The following HERC1 variants were observed in gnomAD, a reference collection of about 807,000 sequenced individuals.
The protein encoded by HERC1 is probable E3 ubiquitin-protein ligase HERC1.
Under a neutral mutation model 554.3 loss-of-function variants are expected in HERC1, and 160 were observed. The ratio of observed to expected loss-of-function variants is 0.29; its 90% confidence interval spans 0.25 to 0.33. The LOEUF (loss-of-function observed/expected upper bound fraction) is 0.33, where lower values mean the gene tolerates loss of function less well. Among genes scored for constraint, HERC1 ranks in the 10% least tolerant of loss-of-function variants. The probability of loss-of-function intolerance (pLI) is 1.00; values close to 1 mark genes in which losing one functional copy is unlikely to be tolerated. For synonymous variants in HERC1, 2,175 were observed against 2,131.7 expected, an observed-to-expected ratio of 1.02 and a Z score of -0.56; for missense variants, 4,919 against 5,918.5, an observed-to-expected ratio of 0.83 and a Z score of 5.54.
At position 63,622,759 on chromosome 15, in the gene HERC1, AT is replaced by A. The variant is rs1327169074; in HGVS notation, c.13688+55del. ...CTGGTACATAGTAAGCACTCAATAA[AT>A]GTGAGCTATTATTATTATTTTAGAC... On this transcript the variant is annotated intron_variant, in intron 74 of 77. Coordinates refer to ENST00000443617, the MANE Select transcript of HERC1 (RefSeq NM_003922.4). 5 of 1,333,452 alleles carry A rather than the reference AT, an allele frequency of 3.7e-6. No homozygotes were observed. In the East Asian group the frequency reaches 1.2e-4, roughly 33 times the overall value. The allele number at this position is 1,333,452 out of a possible 1,614,324, so 82.6% of individuals were successfully genotyped here. A position where few individuals can be genotyped will look rare whatever the true frequency, so the allele number is the denominator to read the frequency against.
chr15:63,789,115 G>T, intron 1 of HERC1, among the ~76,000 whole-genome samples: 1 of 115,538 alleles, frequency 8.7e-6, no homozygotes, highest in African/African-American at 3.6e-5. Context: ...TTTTGAGACG[G>T]AGTCTCGCTC....
At chr15:63,609,406 C>T in intron 77 of HERC1, 140 bp from the exon 78 acceptor site, 1 of 759,052 alleles carries the variant, frequency 1.3e-6, no homozygotes, top group Non-Finnish European at 2.0e-6. Context: ...AGAGACTGGG[C>T]CAGATAGAAT....
At chr15:63,621,568 G>A (rs1028443551) in intron 74 of HERC1, among the ~76,000 whole-genome samples, 1 of 152,074 alleles carries the variant, frequency 6.6e-6, no homozygotes, top group Non-Finnish European at 1.5e-5. Context: ...AAGTTCTCCT[G>A]GATACTATCC....
chr15:63,624,366 T>G, intron 71 of HERC1, 39 bp from the exon 72 acceptor site: 1 of 1,517,786 alleles, frequency 6.6e-7, no homozygotes, highest in Non-Finnish European at 8.9e-7. Flanking sequence ...TGGTACAATC[T>G]AGGCTTAAAA....
chr15:63,776,238 A>G (rs936829849), intron 1 of HERC1, among the ~76,000 whole-genome samples: 13 of 152,084 alleles, frequency 8.5e-5, no homozygotes, highest in African/African-American at 3.1e-4. Context: ...ATGGCTATCT[A>G]ACAGTTTTGG....
At chr15:63,803,794 A>C (rs1436570900) in intron 1 of HERC1, among the ~76,000 whole-genome samples, 2 of 152,244 alleles carry the variant, frequency 1.3e-5, no homozygotes, top group African/African-American at 4.8e-5. Flanking sequence ...AAGGCAATGG[A>C]CTGAGAATAG....
chr15:63,660,923 A>G (rs1325995749), intron 46 of HERC1, 50 bp downstream of exon 46: 2 of 1,069,324 alleles, frequency 1.9e-6, no homozygotes, highest in East Asian at 2.3e-5. Context: ...TTAAGCAGAG[A>G]GGATATATAA....
intron 61 of HERC1, 39 bp from the exon 62 acceptor site, chr15:63,638,815 G>C (rs1475735572): frequency 2.0e-6 from 3 of 1,470,780 alleles, no homozygotes; most frequent in Non-Finnish European, 2.9e-6. Context: ...ATTCTGCTTA[G>C]GCAAGATGCA....
At chr15:63,739,786 C>T (rs923431022) in intron 12 of HERC1, among the ~76,000 whole-genome samples, 5 of 152,018 alleles carry the variant, frequency 3.3e-5, no homozygotes, top group Admixed American at 1.3e-4. Context: ...TACAGTGAGC[C>T]GAGATCGAGC....
In HERC1 at chr15:63,645,601, C is replaced by T; in HGVS notation, c.10960G>A (p.Gly3654Ser). Reference sequence around the variant, plus strand: ...CAGCACCAGCATCCCGAAATAGAGCCCCAGAGTTTCACACTGTCTTCTTTG... The same window carrying T: ...CAGCACCAGCATCCCGAAATAGAGCTCCAGAGTTTCACACTGTCTTCTTTG... ...CAKEDSVKLWGSISGCWCCLH... is the reference protein window; with the variant it reads ...CAKEDSVKLWSSISGCWCCLH... The change falls in exon 56 of 78, where the codon GGC becomes AGC. Residue 3654 changes from glycine (G) to serine (S), a missense_variant. Gly to Ser is a moderately conservative substitution (Grantham distance 56). This residue lies in a region of HERC1 where 1,963 missense variants were observed against 2,228.6 expected (regional missense o/e 0.88). Coordinates refer to ENST00000443617, the MANE Select transcript of HERC1 (RefSeq NM_003922.4). 1 of 1,612,772 alleles carries T rather than the reference C, an allele frequency of 6.2e-7. No homozygotes were observed. Among genetic ancestry groups the T allele is most frequent in the Non-Finnish European group, 8.5e-7 (1 of 1,179,358 alleles).
chr15:63,767,450 A>G (rs2075816425), intron 2 of HERC1, among the ~76,000 whole-genome samples: 1 of 152,050 alleles, frequency 6.6e-6, no homozygotes. Flanking sequence ...AAATATCCCC[A>G]GCACTTTGGG....
chr15:63,790,306 C>T (rs1031483776), intron 1 of HERC1, among the ~76,000 whole-genome samples: 1 of 152,104 alleles, frequency 6.6e-6, no homozygotes, highest in African/African-American at 2.4e-5. Context: ...AGGCTAGGCG[C>T]GGTGGCTCAT....
intron 62 of HERC1, 41 bp downstream of exon 62, chr15:63,638,670 T>C (rs760923920): frequency 3.1e-6 from 5 of 1,592,662 alleles, no homozygotes; most frequent in Non-Finnish European, 4.3e-6. Context: ...ATCAAAACAT[T>C]GACTGAGAAC....
intron 22 of HERC1, among the ~76,000 whole-genome samples, chr15:63,715,226 G>C (rs562057958): frequency 1.3e-5 from 2 of 152,318 alleles, no homozygotes; most frequent in South Asian, 4.1e-4. Context: ...GCTAATCTAT[G>C]CAAAGAACTT....
Position 63,723,220 on chromosome 15 carries a change from C to G in HERC1, c.3704G>C (p.Ser1235Thr). Residue 1235 changes from serine (S) to threonine (T), a missense_variant, in exon 19 of 78, where the codon AGC (serine) becomes ACC (threonine). Physicochemically the swap from Ser to Thr is moderately conservative, Grantham distance 58 (BLOSUM62 1). Coordinates refer to ENST00000443617, the MANE Select transcript of HERC1 (RefSeq NM_003922.4). ...ALGCSKEPAR[S>T]LWISMQDYAV... is the part of the protein sequence containing the mutation. ...ATAGTCCTGCATGCTGATCCAAAGG[C>G]TTCGGGCAGGCTCTTTAGAACAACC... 6.3e-7 allele frequency: 1 copy of G among 1,589,000 alleles called. No individual in the cohort carries two copies. The highest frequency in any genetic ancestry group is 8.6e-7 in the Non-Finnish European group (1 of 1,167,110).
intron 1 of HERC1, among the ~76,000 whole-genome samples, chr15:63,779,158 C>T (rs1016082541): frequency 2.0e-5 from 3 of 151,778 alleles, no homozygotes; most frequent in South Asian, 2.1e-4. Context: ...TATTGGATTA[C>T]GTGAGGAAGA....
At chr15:63,609,297 G>C (rs751249393) in intron 77 of HERC1, 31 bp from the exon 78 acceptor site, 1 of 1,571,130 alleles carries the variant, frequency 6.4e-7, no homozygotes, top group African/African-American at 1.3e-5. Context: ...CCGTGACTGG[G>C]GACATCAGAG....
Position 63,758,481 on chromosome 15 carries a change from C to T in HERC1, c.1027-112G>A. On this transcript the variant is annotated intron_variant, in intron 3 of 77. Coordinates refer to ENST00000443617, the MANE Select transcript of HERC1 (RefSeq NM_003922.4). This position sits in a 1 kb window ranked among gnomAD's most constrained non-coding sequence, Gnocchi z 4.0. ...CCTTTCCTTCCAACACTCTCAAATG[C>T]TCAAAGAACCTATTAAATAAAGATA... The T allele has an allele frequency of 1.6e-6, 1 of 644,786 alleles. No homozygotes were observed. Among genetic ancestry groups the T allele is most frequent in the African/African-American group, 1.8e-5 (1 of 55,210 alleles). 39.9% of individuals were successfully genotyped at this position (644,786 alleles called of 1,614,324 possible).
rs766836104 is a variant in HERC1 at position 63,674,648 on chromosome 15, C to T, written c.7540G>A (p.Gly2514Ser). 6.2e-6 allele frequency: 10 copies of T among 1,613,532 alleles called. No homozygotes were observed. In the Admixed American group the frequency reaches 1.0e-4, roughly 16 times the overall value. ...RAVQLSYLYL[G>S]AMKSLSALLG... Reference sequence around the variant, plus strand: ...AGGGCACTAAGTGACTTCATAGCACCGAGGTAAAGATAGGACAGCTGGACT... The same window carrying T: ...AGGGCACTAAGTGACTTCATAGCACTGAGGTAAAGATAGGACAGCTGGACT... Residue 2514 changes from glycine (G) to serine (S), a missense_variant, in exon 38 of 78, where the codon GGT becomes AGT. By Grantham distance (56) the Gly-to-Ser change is moderately conservative. This residue lies in a region of HERC1 where 1,963 missense variants were observed against 2,228.6 expected (regional missense o/e 0.88). Coordinates refer to ENST00000443617, the MANE Select transcript of HERC1 (RefSeq NM_003922.4).
Sources: allele counts gnomAD v4.1 joint callset (sites outside exome capture counted in the v4.1 genomes callset), GRCh38; gene constraint gnomAD v4.1.1; regional missense constraint gnomAD v4.1.1; non-coding constraint Gnocchi (gnomAD v3.1); transcripts MANE v1.5; gene names NCBI Gene and HGNC (gene_info 2026-07-23, HGNC 2026-07-21).